Variants in RGS7 observed in about 807,000 individuals in gnomAD.
RGS7 encodes the protein regulator of G-protein signaling 7.
In RGS7, 27 loss-of-function variants were observed where a neutral mutation model predicts 81.1. That is an observed-to-expected ratio of 0.33 (90% CI 0.25 to 0.46). The LOEUF (loss-of-function observed/expected upper bound fraction) is 0.46. Ranked by LOEUF, RGS7 falls within the 20% of genes least tolerant of loss-of-function variation. The pLI is 1.00. For missense variants in RGS7, 396 were observed against 607.4 expected (o/e 0.65, Z 3.66); for synonymous variants, 208 against 207.7 (o/e 1.00, Z -0.01).
intron 2 of RGS7, among the ~76,000 whole-genome samples, chr1:241,147,118 C>T (rs559960190): frequency 1.8e-4 from 28 of 152,240 alleles, no homozygotes; most frequent in Non-Finnish European, 3.1e-4. Flanking sequence ...TCACCTCCAG[C>T]CTGTCACGTG....
intron 6 of RGS7, among the ~76,000 whole-genome samples, chr1:240,870,841 T>A (rs1664357196): frequency 6.6e-6 from 1 of 152,210 alleles, no homozygotes; most frequent in Middle Eastern, 3.2e-3. Flanking sequence ...AAACAATCTG[T>A]TCATGTACAC....
intron 4 of RGS7, among the ~76,000 whole-genome samples, chr1:240,944,318 A>G (rs985835249): frequency 1.3e-4 from 16 of 124,950 alleles, no homozygotes; most frequent in East Asian, 1.2e-3. Flanking sequence ...ATATATATAT[A>G]TATATATATA....
intron 2 of RGS7, among the ~76,000 whole-genome samples, chr1:241,154,643 G>A (rs905505468): frequency 6.6e-6 from 1 of 152,234 alleles, no homozygotes; most frequent in Admixed American, 6.5e-5. Context: ...AATATTGCAG[G>A]TGCGAGATAA....
chr1:241,072,454 C>T (rs930997664), intron 3 of RGS7, among the ~76,000 whole-genome samples: 3 of 152,184 alleles, frequency 2.0e-5, no homozygotes, highest in African/African-American at 7.2e-5. Flanking sequence ...TGTCATGAGG[C>T]TCTTTCCCAT....
chr1:240,775,710 A>T lies in RGS7; in HGVS notation c.*510T>A. On this transcript the variant is annotated 3_prime_UTR_variant, in exon 19 of 19. Coordinates refer to ENST00000440928, the MANE Select transcript of RGS7 (RefSeq NM_001364886.1). ...ACATGAGTTTGTTTCTGACTGTGAC[A>T]CATTGGTGAAATGAAACTTTCTGTG... The T allele has an allele frequency of 1.9e-4, 33 of 171,142 alleles. No homozygotes were observed. Among genetic ancestry groups the T allele is most frequent in the East Asian group, 1.0e-3 (7 of 6,912 alleles). The allele number at this position is 171,142 out of a possible 1,614,324, so 10.6% of individuals were successfully genotyped here.
At chr1:241,208,246 C>T (rs1263114836) in intron 2 of RGS7, among the ~76,000 whole-genome samples, 1 of 152,118 alleles carries the variant, frequency 6.6e-6, no homozygotes, top group Non-Finnish European at 1.5e-5. Context: ...GTAATTCTTG[C>T]ATTGAGAATA....
At chr1:240,975,704 T>C (rs1420301493) in intron 4 of RGS7, among the ~76,000 whole-genome samples, 2 of 152,264 alleles carry the variant, frequency 1.3e-5, no homozygotes, top group African/African-American at 2.4e-5. Context: ...CTCAAAATAT[T>C]ATCCATAATT....
intron 2 of RGS7, among the ~76,000 whole-genome samples, chr1:241,315,133 T>C (rs1428467113): frequency 7.5e-6 from 1 of 132,682 alleles, no homozygotes; most frequent in Non-Finnish European, 1.6e-5. Flanking sequence ...TTTTTTTTTT[T>C]TGAGATGCAG....
intron 2 of RGS7, among the ~76,000 whole-genome samples, chr1:241,136,281 G>A (rs1029427438): frequency 6.6e-6 from 1 of 152,166 alleles, no homozygotes; most frequent in African/African-American, 2.4e-5. Context: ...TAAAAATACT[G>A]ATTTCAAGGC....
chr1:241,077,964 T>C (rs1454224064), intron 3 of RGS7, among the ~76,000 whole-genome samples: 1 of 151,918 alleles, frequency 6.6e-6, no homozygotes, highest in East Asian at 1.9e-4. Context: ...TGATGCTGAA[T>C]TACAGGGTGG....
chr1:240,828,141 G>A (rs1693201075), intron 9 of RGS7, among the ~76,000 whole-genome samples: 1 of 152,150 alleles, frequency 6.6e-6, no homozygotes, highest in Non-Finnish European at 1.5e-5. Flanking sequence ...TTCCTTAAGG[G>A]CAGGTGAACC....
At chr1:241,221,320 A>C (rs562708613) in intron 2 of RGS7, among the ~76,000 whole-genome samples, 1 of 152,320 alleles carries the variant, frequency 6.6e-6, no homozygotes, top group South Asian at 2.1e-4. Context: ...GCAAATATTT[A>C]TGTCTCCATG....
intron 4 of RGS7, among the ~76,000 whole-genome samples, chr1:240,941,512 G>A (rs919698011): frequency 3.3e-5 from 5 of 152,178 alleles, no homozygotes; most frequent in African/African-American, 1.2e-4. Flanking sequence ...GGACATTTAT[G>A]AGTAAATGAC....
chr1:241,256,208 C>G (rs190807167), intron 2 of RGS7, among the ~76,000 whole-genome samples: 14 of 152,060 alleles, frequency 9.2e-5, no homozygotes, highest in African/African-American at 3.1e-4. Flanking sequence ...ATTAGGGTGT[C>G]AATATTTTAA....
Position 240,836,485 on chromosome 1 carries a change from T to G in RGS7, c.610-9313A>C, listed in dbSNP as rs567089706. On this transcript the variant is annotated intron_variant, in intron 9 of 18. Coordinates refer to ENST00000440928, the MANE Select transcript of RGS7 (RefSeq NM_001364886.1). ...TTTTGAAGCTATAATCAACAAAACTTGCTGATGGGTTTTGTCTGTGGGCAT... is the reference window on the plus strand; with the variant it reads ...TTTTGAAGCTATAATCAACAAAACTGGCTGATGGGTTTTGTCTGTGGGCAT... 5.3e-5 allele frequency among the ~76,000 whole-genome samples: 8 copies of G among 152,220 alleles called. No individual in the cohort carries two copies. In the South Asian group the frequency reaches 1.7e-3, roughly 32 times the overall value.
At chr1:241,060,129 T>C (rs1236593538) in intron 3 of RGS7, among the ~76,000 whole-genome samples, 1 of 152,086 alleles carries the variant, frequency 6.6e-6, no homozygotes. Context: ...CCAGAGTGAC[T>C]CAGGAAATGG....
chr1:240,784,193 A>C (rs1468430472), intron 18 of RGS7, among the ~76,000 whole-genome samples: 1 of 151,952 alleles, frequency 6.6e-6, no homozygotes, highest in Non-Finnish European at 1.5e-5. Flanking sequence ...GTCTCGAAAA[A>C]AAAACAAAAA....
chr1:241,333,456 G>C (rs2082079208), intron 2 of RGS7, among the ~76,000 whole-genome samples: 2 of 152,204 alleles, frequency 1.3e-5, no homozygotes. Context: ...GCTGGGACAA[G>C]AACTACTTTG....
chr1:241,114,756 A>G (rs573441360), intron 2 of RGS7, among the ~76,000 whole-genome samples: 1 of 152,302 alleles, frequency 6.6e-6, no homozygotes, highest in East Asian at 1.9e-4. Context: ...GCCCTAAAAG[A>G]ATATGATTAT....
Sources: allele counts gnomAD v4.1 joint callset (sites outside exome capture counted in the v4.1 genomes callset), GRCh38; gene constraint gnomAD v4.1.1; transcripts MANE v1.5; gene names NCBI Gene and HGNC (gene_info 2026-07-23, HGNC 2026-07-21).